The following LHX8 variants were observed in gnomAD, a reference collection of about 807,000 sequenced individuals.
LHX8 encodes LIM/homeobox protein Lhx8.
Under a neutral mutation model 40.3 loss-of-function variants are expected in LHX8, and 12 were observed. That is an observed-to-expected ratio of 0.30 (90% CI 0.19 to 0.48). The LOEUF is 0.48. Ranked by LOEUF, LHX8 falls within the 20% of genes least tolerant of loss-of-function variation. The probability of loss-of-function intolerance (pLI) is 0.99; values close to 1 mark genes in which losing one functional copy is unlikely to be tolerated. For synonymous variants in LHX8, 179 were observed against 162.0 expected (o/e 1.10, Z -0.80); for missense variants, 344 against 433.7 (o/e 0.79, Z 1.84).
chr1:75,183,700 A>T, the LHX8 span, among the ~76,000 whole-genome samples: 1 of 152,236 alleles, frequency 6.6e-6, no homozygotes, highest in Non-Finnish European at 1.5e-5. Context: ...CAGTGACACT[A>T]TAAAGCAACC....
chr1:75,139,067 C>T (rs1237423364), intron 3 of LHX8, among the ~76,000 whole-genome samples: 1 of 151,944 alleles, frequency 6.6e-6, no homozygotes, highest in East Asian at 1.9e-4. Context: ...AAAAGTTAGA[C>T]CTAGTATAGA....
At chr1:75,171,687 G>C in the LHX8 span, among the ~76,000 whole-genome samples, 2 of 152,296 alleles carry the variant, frequency 1.3e-5, no homozygotes, top group Admixed American at 1.3e-4. Flanking sequence ...ATGCTGTTAA[G>C]ATGGTGAAGG....
At chr1:75,180,408 T>C in the LHX8 span, among the ~76,000 whole-genome samples, 2 of 152,222 alleles carry the variant, frequency 1.3e-5, no homozygotes. Context: ...CTTTTTTCTC[T>C]AAACTTCTCT....
chr1:75,155,497 G>C (rs765383090), intron 7 of LHX8, among the ~76,000 whole-genome samples: 61 of 152,186 alleles, frequency 4.0e-4, no homozygotes, highest in African/African-American at 1.4e-3. Context: ...GCCTCCCAAA[G>C]TGCTGGGATT....
intron 4 of LHX8, among the ~76,000 whole-genome samples, chr1:75,141,427 C>T (rs976957434): frequency 6.6e-6 from 1 of 152,048 alleles, no homozygotes; most frequent in African/African-American, 2.4e-5. Flanking sequence ...TGACTTATGA[C>T]AACGCCCCTG....
rs1357483308 is a variant in LHX8 at position 75,156,946 on chromosome 1, C to CTCA, written c.837_839dup (p.Ser281dup). 5.0e-6 allele frequency: 8 copies of CTCA among 1,614,056 alleles called. No homozygotes were observed. Among genetic ancestry groups the CTCA allele is most frequent in the Non-Finnish European group, 6.8e-6 (8 of 1,180,030 alleles). On this transcript the variant is annotated inframe_insertion, in exon 8 of 9. Coordinates refer to ENST00000356261, the MANE Select transcript of LHX8 (RefSeq NM_001256114.2). ...ACAAGAAACACGTCAGTCCTAATCA[C>CTCA]TCATCCTCCACCCCAGTCACAGCAG...
At chr1:75,199,080 C>T in the LHX8 span, among the ~76,000 whole-genome samples, 3 of 152,164 alleles carry the variant, frequency 2.0e-5, no homozygotes, top group Non-Finnish European at 4.4e-5. Context: ...CAGTTGGCTT[C>T]AACGCTGTTT....
intron 1 of LHX8, among the ~76,000 whole-genome samples, chr1:75,128,840 T>C (rs770607878): frequency 4.0e-4 from 61 of 152,328 alleles, no homozygotes; most frequent in Non-Finnish European, 6.3e-4. Context: ...TTGGGCCTAG[T>C]TGCCACGACA....
intron 1 of LHX8, among the ~76,000 whole-genome samples, chr1:75,129,301 G>A (rs1647901468): frequency 6.6e-6 from 1 of 152,176 alleles, no homozygotes; most frequent in Non-Finnish European, 1.5e-5. Flanking sequence ...AGCAGGGAAG[G>A]AGGAAGGGAG....
the LHX8 span, among the ~76,000 whole-genome samples, chr1:75,173,447 G>C: frequency 8.9e-5 from 12 of 134,298 alleles, no homozygotes; most frequent in African/African-American, 3.4e-4. Flanking sequence ...GCAGTGGCAC[G>C]ATCTCGACTC....
At chr1:75,168,704 A>G in the LHX8 span, among the ~76,000 whole-genome samples, 1 of 152,202 alleles carries the variant, frequency 6.6e-6, no homozygotes, top group Non-Finnish European at 1.5e-5. Context: ...CTATGACCAC[A>G]GCTCACTGTA....
the LHX8 span, among the ~76,000 whole-genome samples, chr1:75,174,487 A>G: frequency 6.6e-6 from 1 of 152,098 alleles, no homozygotes; most frequent in Non-Finnish European, 1.5e-5. Context: ...TATTTTACTC[A>G]TGACTACATG....
upstream of LHX8, chr1:75,130,710 G>A (rs532515504): frequency 1.2e-6 from 2 of 1,614,026 alleles, no homozygotes; most frequent in Non-Finnish European, 1.7e-6. Context: ...CATCTCTGAG[G>A]GGTTATGCAG....
At chr1:75,149,028 C>G (rs1221657553) in intron 7 of LHX8, among the ~76,000 whole-genome samples, 4 of 152,142 alleles carry the variant, frequency 2.6e-5, no homozygotes, top group Non-Finnish European at 5.9e-5. Context: ...GCTAGGCTAC[C>G]ATTTGTCAAA....
the LHX8 span, among the ~76,000 whole-genome samples, chr1:75,171,856 G>A: frequency 2.0e-5 from 3 of 152,170 alleles, no homozygotes; most frequent in Non-Finnish European, 4.4e-5. Flanking sequence ...AGAGGGAGAA[G>A]GAGCATGGTA....
the LHX8 span, among the ~76,000 whole-genome samples, chr1:75,185,885 T>A: frequency 1.3e-5 from 2 of 152,232 alleles, no homozygotes; most frequent in South Asian, 4.1e-4. Flanking sequence ...ATTACTAGCA[T>A]TCCTATACAC....
At position 75,157,092 on chromosome 1, in the gene LHX8, T is replaced by G; in HGVS notation, c.964+16T>G. 1 of 1,613,300 alleles carries G rather than the reference T, an allele frequency of 6.2e-7. No individual in the cohort carries two copies. Among genetic ancestry groups the G allele is most frequent in the Non-Finnish European group, 8.5e-7 (1 of 1,179,222 alleles). ...TATATGGATGGTAGGTATCCCAACA[T>G]TTAACAGCTGTCTCCCAGGCAATCA... On this transcript the variant is annotated intron_variant, in intron 8 of 8. Coordinates refer to ENST00000356261, the MANE Select transcript of LHX8 (RefSeq NM_001256114.2).
At chr1:75,130,258 G>T (rs571629118), upstream of LHX8, 1 of 194,258 alleles carries the variant, frequency 5.1e-6, no homozygotes, top group Non-Finnish European at 1.1e-5. Context: ...CTTCCGTAGC[G>T]GACCGGGAGA....
At chr1:75,143,991 A>C in intron 6 of LHX8, 43 bp downstream of exon 6, 1 of 1,512,196 alleles carries the variant, frequency 6.6e-7, no homozygotes, top group Non-Finnish European at 9.2e-7. Flanking sequence ...GCCCCTCCCA[A>C]CCAAAAAAAC....
Sources: gnomAD v4.1 joint callset for allele counts (sites outside exome capture counted in the v4.1 genomes callset) on GRCh38, gnomAD v4.1.1 for gene constraint, MANE v1.5 for transcripts, NCBI Gene and HGNC (gene_info 2026-07-23, HGNC 2026-07-21) for gene names.